The following DNAAF5 variants were observed in gnomAD, a reference collection of about 807,000 sequenced individuals.
The protein encoded by DNAAF5 is HEAT repeat containing 2.
In DNAAF5, 64 loss-of-function variants were observed where a neutral mutation model predicts 75.8. The observed-to-expected ratio is 0.84, with a 90% confidence interval of 0.69 to 1.04. DNAAF5 has a LOEUF of 1.04. Ranked by LOEUF, DNAAF5 falls within the 50% of genes least tolerant of loss-of-function variation. The pLI, the probability that DNAAF5 is intolerant of heterozygous loss-of-function variation, is 0.00. For missense variants in DNAAF5, 1,269 were observed against 1,178.5 expected, an observed-to-expected ratio of 1.08 and a Z score of -1.12; for synonymous variants, 657 against 557.2, an observed-to-expected ratio of 1.18 and a Z score of -2.52.
intron 9 of DNAAF5, chr7:770,843 A>C: frequency 8.5e-6 from 4 of 469,432 alleles, no homozygotes; most frequent in Admixed American, 3.4e-5. Context: ...GGGGGTCCCC[A>C]CCTCCCTCCC....
At chr7:783,383 T>C (rs978238937) in intron 12 of DNAAF5, among the ~76,000 whole-genome samples, 1 of 152,196 alleles carries the variant, frequency 6.6e-6, no homozygotes, top group Non-Finnish European at 1.5e-5. Flanking sequence ...TGCTCCCGCA[T>C]CTGCGCAGGT....
chr7:774,578 C>T (rs1164548123), intron 10 of DNAAF5, among the ~76,000 whole-genome samples: 1 of 152,224 alleles, frequency 6.6e-6, no homozygotes, highest in East Asian at 1.9e-4. Context: ...CTATGAACAC[C>T]TCCGGCTGGT....
intron 6 of DNAAF5, among the ~76,000 whole-genome samples, chr7:761,092 G>A (rs1367436422): frequency 1.3e-5 from 2 of 152,228 alleles, no homozygotes; most frequent in Non-Finnish European, 2.9e-5. Context: ...CACAGGTGCC[G>A]TGTGCATCAC....
intron 2 of DNAAF5, 44 bp from the exon 3 acceptor site, chr7:740,774 TC>T (rs758953601): frequency 1.9e-6 from 3 of 1,608,498 alleles, no homozygotes; most frequent in African/African-American, 1.3e-5. Flanking sequence ...AGCCCCGGCA[TC>T]CCCTTTGCCT....
At chr7:767,054 A>G (rs1158952646) in intron 8 of DNAAF5, among the ~76,000 whole-genome samples, 2 of 152,010 alleles carry the variant, frequency 1.3e-5, no homozygotes, top group South Asian at 2.1e-4. Context: ...CCTGGCTAAC[A>G]TGATGAAACC....
chr7:775,213 T>G (rs1373190207), intron 11 of DNAAF5, 51 bp downstream of exon 11: 5 of 1,565,604 alleles, frequency 3.2e-6, no homozygotes, highest in Non-Finnish European at 4.4e-6. Flanking sequence ...CAGCCCTCCG[T>G]GTCCCTGGGT....
chr7:770,452 C>A lies in DNAAF5; in HGVS notation c.1784-19C>A. ...GTCTCCTGAGGGCCGTGCACAGGAG[C>A]CTCTGTTGTGTCTTACAGGCCCTGC... On this transcript the variant is annotated intron_variant, in intron 8 of 12. Coordinates refer to ENST00000297440, the MANE Select transcript of DNAAF5 (RefSeq NM_017802.4). The A allele has an allele frequency of 6.2e-7, 1 of 1,609,682 alleles. No homozygotes were observed. The highest frequency in any genetic ancestry group is 2.2e-5 in the East Asian group (1 of 44,832).
intron 8 of DNAAF5, among the ~76,000 whole-genome samples, 186 bp from the exon 9 acceptor site, chr7:770,285 G>A (rs1778510488): frequency 6.6e-6 from 1 of 151,986 alleles, no homozygotes; most frequent in African/African-American, 2.4e-5. Context: ...CGTGATTTTG[G>A]GGGGTTAAAA....
chr7:728,136 T>C (rs1781426473), intron 1 of DNAAF5, among the ~76,000 whole-genome samples: 1 of 152,192 alleles, frequency 6.6e-6, no homozygotes, highest in Non-Finnish European at 1.5e-5. Context: ...AGAGCTCTGA[T>C]CTGATCCGGT....
At chr7:732,466 A>T in intron 2 of DNAAF5, 1 of 449,770 alleles carries the variant, frequency 2.2e-6, no homozygotes, top group Non-Finnish European at 4.5e-6. Context: ...GCTTTGCTGC[A>T]GTTTTCCTGC....
intron 2 of DNAAF5, among the ~76,000 whole-genome samples, chr7:736,443 C>T (rs1781741774): frequency 6.6e-6 from 1 of 152,200 alleles, no homozygotes; most frequent in African/African-American, 2.4e-5. Context: ...GAGTTGACCC[C>T]TTTATCATTA....
intron 8 of DNAAF5, among the ~76,000 whole-genome samples, chr7:766,641 C>T (rs1782829496): frequency 6.6e-6 from 1 of 152,102 alleles, no homozygotes; most frequent in South Asian, 2.1e-4. Context: ...GAGTTGGGCA[C>T]GGTGGCTCAC....
At chr7:740,995 C>T (rs1284286792) in intron 3 of DNAAF5, 52 bp downstream of exon 3, 3 of 1,592,896 alleles carry the variant, frequency 1.9e-6, no homozygotes, top group East Asian at 2.2e-5. Context: ...TCATGTGTAG[C>T]AGTGGTGGTT....
intron 4 of DNAAF5, among the ~76,000 whole-genome samples, chr7:752,671 G>A (rs112410708): frequency 1.6e-4 from 24 of 151,466 alleles, no homozygotes; most frequent in East Asian, 2.0e-4. Flanking sequence ...GCCGGGCCAC[G>A]CTTCCCTGGG....
Position 761,783 on chromosome 7 carries a change from G to T in DNAAF5, c.1501G>T (p.Val501Leu). 3 of 1,609,038 alleles carry T rather than the reference G, an allele frequency of 1.9e-6. No individual in the cohort carries two copies. Among genetic ancestry groups the T allele is most frequent in the Non-Finnish European group, 2.5e-6 (3 of 1,177,854 alleles). The change falls in exon 7 of 13, where the codon GTG becomes TTG. Residue 501 changes from valine to leucine, a missense_variant. Physicochemically the swap from Val to Leu is conservative, Grantham distance 32. Coordinates refer to ENST00000297440, the MANE Select transcript of DNAAF5 (RefSeq NM_017802.4). ...DLYLERLLLCVQALVSVCHED... is the reference protein window; with the variant it reads ...DLYLERLLLCLQALVSVCHED... ...CTACCTGGAGCGCCTGCTGCTGTGT[G>T]TGCAGGCTCTGGTGTCTGTGTGTCA...
intron 1 of DNAAF5, among the ~76,000 whole-genome samples, chr7:727,872 G>A (rs1375740921): frequency 6.6e-6 from 1 of 150,596 alleles, no homozygotes; most frequent in Non-Finnish European, 1.5e-5. Context: ...CCAGATACCT[G>A]GAAACCACCG....
Position 726,849 on chromosome 7 carries a change from G to A in DNAAF5, c.129G>A (p.Lys43=), listed in dbSNP as rs1039124490. The A allele has an allele frequency of 2.2e-5, 29 of 1,321,018 alleles. No homozygotes were observed. The highest frequency in any genetic ancestry group is 4.0e-5 in the South Asian group (2 of 49,504). The allele number at this position is 1,321,018 out of a possible 1,614,324, so 81.8% of individuals were successfully genotyped here. ...TGCCGGGGCTGGAGGCCGACAGCAA[G>A]CCGGGCCGGCGGCGCGCCTTGGAGG... ...RLLPGLEADS[K]PGRRRALEAL... Residue 43 remains lysine (K), a synonymous_variant, in exon 1 of 13, where the codon AAG becomes AAA. Transcript: ENST00000297440.
Position 729,746 on chromosome 7 carries a change from G to T in DNAAF5, c.679G>T (p.Ala227Ser). The change falls in exon 2 of 13, where the codon GCC becomes TCC. Residue 227 changes from alanine to serine, a missense_variant. Transcript: ENST00000297440. ...SHQHWKVRVA[A>S]IEATGAVIHF... ...CCAGCACTGGAAGGTCCGTGTGGCC[G>T]CCATTGAAGCCACAGGCGCAGTGAT... 6.2e-7 allele frequency: 1 copy of T among 1,614,144 alleles called. No homozygotes were observed. The highest frequency in any genetic ancestry group is 8.5e-7 in the Non-Finnish European group (1 of 1,180,024).
intron 9 of DNAAF5, chr7:772,571 A>G (rs1778603637): frequency 6.6e-6 from 1 of 152,150 alleles, no homozygotes; most frequent in African/African-American, 2.4e-5. Context: ...GGGAACCCGG[A>G]GCACCAGCCG....
Sources: allele counts gnomAD v4.1 joint callset (sites outside exome capture counted in the v4.1 genomes callset), GRCh38; gene constraint gnomAD v4.1.1; transcripts MANE v1.5; gene names NCBI Gene and HGNC (gene_info 2026-07-23, HGNC 2026-07-21).